The following ATP8A2 variants were observed in gnomAD, a reference collection of about 807,000 sequenced individuals.
The protein encoded by ATP8A2 is ATPase phospholipid transporting 8A2.
Under a neutral mutation model 165.6 loss-of-function variants are expected in ATP8A2, and 100 were observed. The ratio of observed to expected loss-of-function variants is 0.60; its 90% CI spans 0.51 to 0.71. The LOEUF (loss-of-function observed/expected upper bound fraction) is 0.71, where lower values mean the gene tolerates loss of function less well. Among genes scored for constraint, ATP8A2 ranks in the 30% least tolerant of loss-of-function variants. The pLI is 0.00. For missense variants in ATP8A2, 1,227 were observed against 1,479.5 expected (o/e 0.83, Z 2.80); for synonymous variants, 543 against 548.8 (o/e 0.99, Z 0.15).
At chr13:25,665,459 A>G (rs1483484209) in intron 24 of ATP8A2, among the ~76,000 whole-genome samples, 1 of 152,018 alleles carries the variant, frequency 6.6e-6, no homozygotes, top group Non-Finnish European at 1.5e-5. Flanking sequence ...CATGTAGATC[A>G]GAATTTGGAT....
intron 24 of ATP8A2, among the ~76,000 whole-genome samples, chr13:25,623,385 G>A (rs556431486): frequency 4.6e-5 from 7 of 152,094 alleles, no homozygotes; most frequent in Admixed American, 1.3e-4. Context: ...AACAGAGTGA[G>A]ACTTAGTCTC....
intron 30 of ATP8A2, among the ~76,000 whole-genome samples, chr13:25,855,330 C>G (rs1281705454): frequency 6.6e-5 from 10 of 151,866 alleles, no homozygotes; most frequent in Non-Finnish European, 1.5e-4. Flanking sequence ...TACTGTCTGT[C>G]TCTGTAGATG....
chr13:25,757,739 A>T (rs144845394), intron 25 of ATP8A2, among the ~76,000 whole-genome samples: 1 of 152,188 alleles, frequency 6.6e-6, no homozygotes, highest in African/African-American at 2.4e-5. Flanking sequence ...AGCCCCTGTT[A>T]TATGTGTTCC....
intron 1 of ATP8A2, among the ~76,000 whole-genome samples, chr13:25,400,041 G>A (rs7988708): frequency 0.07 from 2,446 of 34,838 alleles, 78 homozygotes; most frequent in African/African-American, 0.18. Flanking sequence ...TCCCACCTCA[G>A]CCTCCCAAGT....
intron 2 of ATP8A2, among the ~76,000 whole-genome samples, chr13:25,523,070 A>T (rs1474694803): frequency 6.6e-6 from 1 of 151,722 alleles, no homozygotes; most frequent in Non-Finnish European, 1.5e-5. Context: ...GTGAGCTGAG[A>T]TCACACTACT....
chr13:25,415,871 C>T (rs2034118284), intron 1 of ATP8A2, among the ~76,000 whole-genome samples: 1 of 152,152 alleles, frequency 6.6e-6, no homozygotes, highest in South Asian at 2.1e-4. Context: ...GCTCTGCCAC[C>T]CAGGCTGGAG....
chr13:25,537,642 C>G (rs565769335), intron 6 of ATP8A2, among the ~76,000 whole-genome samples: 1 of 152,074 alleles, frequency 6.6e-6, no homozygotes, highest in African/African-American at 2.4e-5. Context: ...TGTGCGTGAC[C>G]GTTCTACCCT....
chr13:25,380,991 A>G lies in ATP8A2; in HGVS notation c.76+8703A>G, dbSNP rs114119526. Among the ~76,000 whole-genome samples, 737 of 152,282 alleles carry G rather than the reference A, an allele frequency of 4.8e-3. 6 individuals carry two copies. Among genetic ancestry groups the G allele is most frequent in the African/African-American group, 0.017 (712 of 41,564 alleles). ...GTATCTCCCTCGGGCACACTCTAAG[A>G]TATCCACCTTCAGTTAATTTTGAAA... On this transcript the variant is annotated intron_variant, in intron 1 of 36. Coordinates refer to ENST00000381655, the MANE Select transcript of ATP8A2 (RefSeq NM_016529.6).
intron 27 of ATP8A2, among the ~76,000 whole-genome samples, chr13:25,779,951 G>A (rs2044835129): frequency 6.6e-6 from 1 of 152,216 alleles, no homozygotes; most frequent in African/African-American, 2.4e-5. Context: ...CAAACTATGA[G>A]TTAGTTGTTC....
intron 1 of ATP8A2, among the ~76,000 whole-genome samples, chr13:25,413,330 G>A (rs1318471265): frequency 7.5e-6 from 1 of 132,574 alleles, no homozygotes; most frequent in Non-Finnish European, 1.5e-5. Flanking sequence ...CGCCTTGGCT[G>A]GAGTGCATTG....
chr13:25,812,945 T>C (rs1398101238), intron 27 of ATP8A2, among the ~76,000 whole-genome samples: 2 of 152,084 alleles, frequency 1.3e-5, no homozygotes, highest in Middle Eastern at 3.2e-3. Context: ...TGGATGGAAC[T>C]GGAAGCCATT....
chr13:25,791,635 C>G (rs565624761), intron 27 of ATP8A2, among the ~76,000 whole-genome samples: 1 of 151,684 alleles, frequency 6.6e-6, no homozygotes, highest in Non-Finnish European at 1.5e-5. Flanking sequence ...GGACTCCATG[C>G]GAAAGTGGTT....
chr13:25,455,321 C>T (rs1173676135), intron 1 of ATP8A2, among the ~76,000 whole-genome samples: 1 of 152,190 alleles, frequency 6.6e-6, no homozygotes, highest in Non-Finnish European at 1.5e-5. Flanking sequence ...AGCTATGATT[C>T]AAGATTGTAT....
At chr13:25,676,166 G>A (rs2042368057) in intron 24 of ATP8A2, among the ~76,000 whole-genome samples, 2 of 152,152 alleles carry the variant, frequency 1.3e-5, no homozygotes, top group South Asian at 2.1e-4. Context: ...TCTGATTGGT[G>A]GTCTGGATCA....
At chr13:25,400,108 A>C (rs545661766) in intron 1 of ATP8A2, among the ~76,000 whole-genome samples, 26 of 152,054 alleles carry the variant, frequency 1.7e-4, no homozygotes, top group African/African-American at 6.3e-4. Flanking sequence ...TTTTCTGTAG[A>C]GATAGGGTCT....
intron 2 of ATP8A2, among the ~76,000 whole-genome samples, chr13:25,526,153 C>G (rs2037834517): frequency 6.6e-6 from 1 of 152,012 alleles, no homozygotes; most frequent in Admixed American, 6.6e-5. Flanking sequence ...GTTTTTATTA[C>G]TATTTCAATC....
chr13:25,423,158 G>T (rs575890803), intron 1 of ATP8A2, among the ~76,000 whole-genome samples: 1 of 152,296 alleles, frequency 6.6e-6, no homozygotes, highest in South Asian at 2.1e-4. Context: ...GGCATCACTT[G>T]AGCTTCACTT....
intron 2 of ATP8A2, among the ~76,000 whole-genome samples, chr13:25,494,685 G>A (rs919317781): frequency 2.0e-5 from 3 of 152,178 alleles, no homozygotes; most frequent in Non-Finnish European, 2.9e-5. Flanking sequence ...GAAAACATAA[G>A]GATAAAAACT....
At chr13:25,642,508 C>G (rs2041554405) in intron 24 of ATP8A2, among the ~76,000 whole-genome samples, 1 of 152,246 alleles carries the variant, frequency 6.6e-6, no homozygotes, top group Non-Finnish European at 1.5e-5. Context: ...CTCATAATCA[C>G]TGGCCATCAG....
Sources: allele counts gnomAD v4.1 joint callset (sites outside exome capture counted in the v4.1 genomes callset), GRCh38; gene constraint gnomAD v4.1.1; transcripts MANE v1.5; gene names NCBI Gene and HGNC (gene_info 2026-07-23, HGNC 2026-07-21).